PLCL1: variants seen among roughly 807,000 people sequenced by gnomAD.
PLCL1 encodes the protein inactive phospholipase C-like protein 1.
In PLCL1, 41 loss-of-function variants were observed where a neutral mutation model predicts 84.4. The observed-to-expected ratio is 0.49, with a 90% confidence interval of 0.38 to 0.63. The LOEUF (loss-of-function observed/expected upper bound fraction) is 0.63, where lower values mean the gene tolerates loss of function less well. Among genes scored for constraint, PLCL1 ranks in the 30% least tolerant of loss-of-function variants. PLCL1 has a pLI of 0.00. For missense variants in PLCL1, 1,206 were observed against 1,367.8 expected (o/e 0.88, Z 1.87); for synonymous variants, 490 against 488.3 (o/e 1.00, Z -0.05).
At chr2:197,886,454 T>TAAAAAAAAAAAA (rs1687925468) in intron 1 of PLCL1, among the ~76,000 whole-genome samples, 39 of 90,506 alleles carry the variant, frequency 4.3e-4, no homozygotes, top group African/African-American at 5.6e-4. Context: ...AAAAAAAAAG[T>TAAAAAAAAAAAA]AAAATTCTTC....
At chr2:197,844,185 T>G (rs1438381443) in intron 1 of PLCL1, among the ~76,000 whole-genome samples, 2 of 152,138 alleles carry the variant, frequency 1.3e-5, no homozygotes, top group Admixed American at 6.5e-5. Flanking sequence ...TTGATGGATT[T>G]TCAAAACAGT....
chr2:198,049,362 A>C (rs1691875633), intron 1 of PLCL1, among the ~76,000 whole-genome samples: 1 of 152,146 alleles, frequency 6.6e-6, no homozygotes, highest in Admixed American at 6.5e-5. Context: ...GTAGATAGGA[A>C]ATAAATAAAA....
At chr2:198,028,452 G>A (rs971271241) in intron 1 of PLCL1, among the ~76,000 whole-genome samples, 5 of 152,166 alleles carry the variant, frequency 3.3e-5, no homozygotes, top group Admixed American at 6.5e-5. Flanking sequence ...TTTGCTCAGA[G>A]TCCCTGCAAT....
chr2:197,947,624 A>G (rs997281406), intron 1 of PLCL1, among the ~76,000 whole-genome samples: 4 of 152,160 alleles, frequency 2.6e-5, no homozygotes, highest in African/African-American at 9.6e-5. Context: ...AAGAAAGCAA[A>G]AAGGCTCTGA....
In PLCL1 at chr2:197,907,123, A is replaced by G. The variant is rs376949578; in HGVS notation, c.240+101784A>G. On this transcript the variant is annotated intron_variant, in intron 1 of 5. Transcript: ENST00000428675. The stretch of plus-strand genomic sequence containing the variant: ...GCTGGAAGGATTCCCTTTGAAAATC[A>G]GCACAAGACAAGGATGCCCTCTCTT... 6.1e-3 allele frequency among the ~76,000 whole-genome samples: 923 copies of G among 152,332 alleles called. 8 individuals carry two copies. Among genetic ancestry groups the G allele is most frequent in the African/African-American group, 0.021 (865 of 41,576 alleles).
intron 1 of PLCL1, among the ~76,000 whole-genome samples, chr2:197,825,495 A>G (rs761173362): frequency 1.2e-4 from 18 of 152,210 alleles, no homozygotes; most frequent in South Asian, 4.1e-4. Context: ...GAAAGGGACC[A>G]CATTTTAGAC....
chr2:198,133,043 A>C (rs1449277530), intron 5 of PLCL1, among the ~76,000 whole-genome samples: 1 of 151,848 alleles, frequency 6.6e-6, no homozygotes, highest in African/African-American at 2.4e-5. Context: ...AGCTTTCTAC[A>C]TATGGCTAGC....
chr2:197,943,900 C>T (rs1170263332), intron 1 of PLCL1, among the ~76,000 whole-genome samples: 1 of 152,104 alleles, frequency 6.6e-6, no homozygotes, highest in African/African-American at 2.4e-5. Context: ...TTTCATTCCT[C>T]CTCCTTGGAG....
chr2:197,944,722 T>C (rs1689236649), intron 1 of PLCL1, among the ~76,000 whole-genome samples: 1 of 152,224 alleles, frequency 6.6e-6, no homozygotes, highest in Admixed American at 6.5e-5. Flanking sequence ...CCATTCATTT[T>C]AGCAACTTCC....
At chr2:197,924,808 A>G (rs1389965586) in intron 1 of PLCL1, among the ~76,000 whole-genome samples, 4 of 152,048 alleles carry the variant, frequency 2.6e-5, no homozygotes, top group Non-Finnish European at 5.9e-5. Context: ...AACCCAGAGC[A>G]TTTCAGGTAT....
chr2:198,041,236 A>T (rs1432391942), intron 1 of PLCL1, among the ~76,000 whole-genome samples: 1 of 152,216 alleles, frequency 6.6e-6, no homozygotes, highest in Non-Finnish European at 1.5e-5. Flanking sequence ...CTTGAATTTT[A>T]CTTAGCTCTG....
chr2:198,003,349 G>T (rs1490848157), intron 1 of PLCL1, among the ~76,000 whole-genome samples: 1 of 152,108 alleles, frequency 6.6e-6, no homozygotes, highest in Non-Finnish European at 1.5e-5. Flanking sequence ...TAGGGAGCAG[G>T]GAAGACAGAT....
intron 1 of PLCL1, among the ~76,000 whole-genome samples, chr2:197,959,740 GA>G (rs960119548): frequency 7.9e-5 from 12 of 151,552 alleles, no homozygotes; most frequent in Admixed American, 3.9e-4. Flanking sequence ...AGTTTCTTGG[GA>G]AAAAAAACAA....
At chr2:198,097,004 A>C (rs1693215032) in intron 3 of PLCL1, among the ~76,000 whole-genome samples, 1 of 152,202 alleles carries the variant, frequency 6.6e-6, no homozygotes, top group Admixed American at 6.5e-5. Context: ...ATTGAAATCC[A>C]TTTAAATTAA....
At chr2:197,916,774 T>A (rs973705476) in intron 1 of PLCL1, among the ~76,000 whole-genome samples, 1 of 151,922 alleles carries the variant, frequency 6.6e-6, no homozygotes, top group Admixed American at 6.6e-5. Context: ...TAAAAAGTTA[T>A]TACCTGCTCA....
chr2:198,064,132 G>T (rs1465271804), intron 1 of PLCL1, among the ~76,000 whole-genome samples: 1 of 152,160 alleles, frequency 6.6e-6, no homozygotes, highest in African/African-American at 2.4e-5. Flanking sequence ...AGGGAGCTCT[G>T]GGAGACAGGC....
chr2:198,012,785 GC>G (rs1370375443), intron 1 of PLCL1, among the ~76,000 whole-genome samples: 1 of 151,098 alleles, frequency 6.6e-6, no homozygotes, highest in Non-Finnish European at 1.5e-5. Context: ...TGAGTAAGAA[GC>G]AGTTCATGAA....
At chr2:197,930,925 T>C (rs1688918271) in intron 1 of PLCL1, among the ~76,000 whole-genome samples, 1 of 152,176 alleles carries the variant, frequency 6.6e-6, no homozygotes, top group South Asian at 2.1e-4. Flanking sequence ...GATAGGCTGC[T>C]AAAAGTGGTA....
chr2:197,994,974 C>A (rs918811301), intron 1 of PLCL1, among the ~76,000 whole-genome samples: 1 of 152,146 alleles, frequency 6.6e-6, no homozygotes, highest in African/African-American at 2.4e-5. Flanking sequence ...ATTAAGCTGT[C>A]ATTTCTCAAA....
Sources: allele counts gnomAD v4.1 joint callset (sites outside exome capture counted in the v4.1 genomes callset), GRCh38; gene constraint gnomAD v4.1.1; transcripts MANE v1.5; gene names NCBI Gene and HGNC (gene_info 2026-07-23, HGNC 2026-07-21).